Variants in CAMK2D observed in about 807,000 individuals in gnomAD.
The protein encoded by CAMK2D is calcium/calmodulin dependent protein kinase II delta, also known as calcium/calmodulin-dependent protein kinase type II subunit delta.
Under a neutral mutation model 84.0 loss-of-function variants are expected in CAMK2D, and 37 were observed. That is an observed-to-expected ratio of 0.44 (90% CI 0.34 to 0.58). The LOEUF (loss-of-function observed/expected upper bound fraction) is 0.58, where lower values mean the gene tolerates loss of function less well. CAMK2D is among the 20% of genes least tolerant of loss of function. The pLI is 0.02. For synonymous variants in CAMK2D, 202 were observed against 212.5 expected, an observed-to-expected ratio of 0.95 and a Z score of 0.43; for missense variants, 448 against 652.5, an observed-to-expected ratio of 0.69 and a Z score of 3.41.
At chr4:113,590,117 A>T (rs868032625) in intron 4 of CAMK2D, among the ~76,000 whole-genome samples, 2 of 152,214 alleles carry the variant, frequency 1.3e-5, no homozygotes, top group Non-Finnish European at 2.9e-5. Context: ...ACATAAAAAA[A>T]CACTAAATGT....
At chr4:113,486,403 G>A (rs141821298) in intron 16 of CAMK2D, among the ~76,000 whole-genome samples, 1 of 152,070 alleles carries the variant, frequency 6.6e-6, no homozygotes, top group East Asian at 1.9e-4. Flanking sequence ...GGGATTACGG[G>A]TATGAGCCAC....
rs538740445 is a variant in CAMK2D, at chr4:113,617,205, C to T, written c.221-7999G>A. Among the ~76,000 whole-genome samples the T allele has an allele frequency of 7.2e-5, 11 of 152,216 alleles. 1 individual carries two copies. The South Asian group carries it at 1.5e-3, about 20-fold the overall frequency. The stretch of plus-strand genomic sequence containing the variant: ...AAAAAGGGCTGGGTGCGGTGACTTA[C>T]GCCTGTAATCCCAGTATTTTGGGAG... On this transcript the variant is annotated intron_variant, in intron 3 of 20. Coordinates refer to ENST00000511664, the MANE Select transcript of CAMK2D (RefSeq NM_001321571.2).
chr4:113,710,875 C>T (rs182491009), intron 2 of CAMK2D, among the ~76,000 whole-genome samples: 4 of 152,250 alleles, frequency 2.6e-5, no homozygotes, highest in African/African-American at 9.6e-5. Context: ...CTATCAAGTA[C>T]ACAACTTCAA....
At chr4:113,706,727 A>G (rs1357423700) in intron 2 of CAMK2D, among the ~76,000 whole-genome samples, 1 of 152,228 alleles carries the variant, frequency 6.6e-6, no homozygotes, top group East Asian at 1.9e-4. Context: ...AATAAAATAG[A>G]TACAAAGAAA....
At chr4:113,554,599 T>C (rs1423898105) in intron 4 of CAMK2D, among the ~76,000 whole-genome samples, 2 of 152,160 alleles carry the variant, frequency 1.3e-5, no homozygotes, top group Non-Finnish European at 2.9e-5. Context: ...ATTTCTTCTA[T>C]ATGTATGATA....
chr4:113,582,435 C>T (rs2098814551), intron 4 of CAMK2D, among the ~76,000 whole-genome samples: 1 of 152,130 alleles, frequency 6.6e-6, no homozygotes, highest in Non-Finnish European at 1.5e-5. Context: ...TTCTGAGTTT[C>T]GACAAACACA....
intron 2 of CAMK2D, among the ~76,000 whole-genome samples, chr4:113,740,525 T>G (rs1859229): frequency 0.37 from 56,170 of 151,816 alleles, 14,440 homozygotes; most frequent in African/African-American, 0.73. Flanking sequence ...ATAGGTAAGG[T>G]GTAATAAATC....
intron 16 of CAMK2D, among the ~76,000 whole-genome samples, chr4:113,481,655 T>C (rs2097702791): frequency 6.6e-6 from 1 of 152,144 alleles, no homozygotes; most frequent in Non-Finnish European, 1.5e-5. Flanking sequence ...AATTTTGTTG[T>C]ATTTTTAGTA....
chr4:113,712,021 C>T (rs917453144), intron 2 of CAMK2D, among the ~76,000 whole-genome samples: 1 of 152,052 alleles, frequency 6.6e-6, no homozygotes, highest in Admixed American at 6.6e-5. Flanking sequence ...ACACCTACCC[C>T]CACCCACCAC....
rs570634424 is a variant in CAMK2D, at chr4:113,557,693, T to C, written c.276-5597A>G. Among the ~76,000 whole-genome samples, 9 of 152,274 alleles carry C rather than the reference T, an allele frequency of 5.9e-5. No homozygotes were observed. The East Asian group carries it at 1.5e-3, about 26-fold the overall frequency. On this transcript the variant is annotated intron_variant, in intron 4 of 20. Coordinates refer to ENST00000511664, the MANE Select transcript of CAMK2D (RefSeq NM_001321571.2). ...CTTATCTTTTTTGATTTGAGGCTGG[T>C]TTACTGAGTCAGATTACCTCTTCAG...
chr4:113,600,268 C>T (rs1297083655), intron 4 of CAMK2D, among the ~76,000 whole-genome samples: 2 of 152,010 alleles, frequency 1.3e-5, no homozygotes, highest in African/African-American at 4.8e-5. Context: ...AGAGTGAACC[C>T]TAGCATAAAT....
chr4:113,738,490 T>A (rs1041778233), intron 2 of CAMK2D, among the ~76,000 whole-genome samples: 4 of 152,106 alleles, frequency 2.6e-5, no homozygotes, highest in South Asian at 2.1e-4. Flanking sequence ...TGATTTTTTT[T>A]AAATGAAAAT....
chr4:113,675,212 T>A (rs1268500937), intron 2 of CAMK2D, among the ~76,000 whole-genome samples: 1 of 152,180 alleles, frequency 6.6e-6, no homozygotes, highest in East Asian at 1.9e-4. Context: ...GAAAAACATG[T>A]ATATTTCAGC....
At chr4:113,646,233 G>T (rs1255330020) in intron 3 of CAMK2D, among the ~76,000 whole-genome samples, 8 of 151,960 alleles carry the variant, frequency 5.3e-5, no homozygotes, top group Non-Finnish European at 1.2e-4. Flanking sequence ...ATCTAAACTT[G>T]AACTTAAAAA....
chr4:113,557,190 G>A (rs940496771), intron 4 of CAMK2D, among the ~76,000 whole-genome samples: 1 of 151,888 alleles, frequency 6.6e-6, no homozygotes, highest in African/African-American at 2.4e-5. Flanking sequence ...CTCCTAATGG[G>A]CCCCATTTCC....
chr4:113,487,521 C>A (rs1194882584), intron 16 of CAMK2D, among the ~76,000 whole-genome samples: 1 of 151,858 alleles, frequency 6.6e-6, no homozygotes, highest in African/African-American at 2.4e-5. Context: ...GATTTAACTT[C>A]TATATAGAAA....
At chr4:113,755,238 AT>A in intron 2 of CAMK2D, 1 of 190,454 alleles carries the variant, frequency 5.3e-6, no homozygotes, top group Non-Finnish European at 9.7e-6. Flanking sequence ...ATGAGGCCTA[AT>A]TTTGCATACA....
intron 3 of CAMK2D, among the ~76,000 whole-genome samples, chr4:113,630,413 T>C (rs992505418): frequency 1.2e-4 from 18 of 152,284 alleles, no homozygotes; most frequent in African/African-American, 4.1e-4. Context: ...GTTCTTAGGA[T>C]TGTTGACTGC....
chr4:113,665,112 AC>A, intron 2 of CAMK2D, among the ~76,000 whole-genome samples: 1 of 152,160 alleles, frequency 6.6e-6, no homozygotes, highest in Admixed American at 6.5e-5. Context: ...CCCACAGTAG[AC>A]TTTATAACAA....
Sources: gnomAD v4.1 joint callset for allele counts (sites outside exome capture counted in the v4.1 genomes callset) on GRCh38, gnomAD v4.1.1 for gene constraint, MANE v1.5 for transcripts, NCBI Gene and HGNC (gene_info 2026-07-23, HGNC 2026-07-21) for gene names.